SUGCT: variants seen among roughly 807,000 people sequenced by gnomAD.
SUGCT encodes the protein succinyl-CoA:glutarate-CoA transferase.
In SUGCT, 41 loss-of-function variants were observed where a neutral mutation model predicts 55.0. The ratio of observed to expected loss-of-function variants is 0.74; its 90% CI spans 0.58 to 0.97. SUGCT has a LOEUF of 0.97. Among genes scored for constraint, SUGCT ranks in the 50% least tolerant of loss-of-function variants. The pLI is 0.00. For synonymous variants in SUGCT, 187 were observed against 200.4 expected (o/e 0.93, Z 0.56); for missense variants, 568 against 547.8 (o/e 1.04, Z -0.37).
At chr7:40,142,518 A>G (rs1249579940) in intron 1 of SUGCT, among the ~76,000 whole-genome samples, 1 of 152,216 alleles carries the variant, frequency 6.6e-6, no homozygotes, top group African/African-American at 2.4e-5. Flanking sequence ...CAACCCATGG[A>G]TGCATGGTGT....
intron 12 of SUGCT, among the ~76,000 whole-genome samples, chr7:40,663,595 G>A (rs1416777310): frequency 6.6e-6 from 1 of 151,640 alleles, no homozygotes; most frequent in Non-Finnish European, 1.5e-5. Context: ...GTGGTCTCTT[G>A]TATGTTCCTA....
chr7:40,641,200 C>T (rs1319641066), intron 12 of SUGCT, among the ~76,000 whole-genome samples: 1 of 152,084 alleles, frequency 6.6e-6, no homozygotes, highest in Non-Finnish European at 1.5e-5. Context: ...AATAATAAAA[C>T]CAAAGGATAA....
At chr7:40,392,487 AGG>A (rs1289001029) in intron 9 of SUGCT, among the ~76,000 whole-genome samples, 1 of 151,970 alleles carries the variant, frequency 6.6e-6, no homozygotes, top group Non-Finnish European at 1.5e-5. Context: ...TTCCAGGTAG[AGG>A]GTTCGGAAAG....
chr7:40,153,970 C>G (rs1258827921), intron 1 of SUGCT: 1 of 311,838 alleles, frequency 3.2e-6, no homozygotes, highest in African/African-American at 2.2e-5. Context: ...ACAGGCCAAG[C>G]TGTACGATGT....
At chr7:40,160,552 A>T (rs572296629) in intron 1 of SUGCT, among the ~76,000 whole-genome samples, 1 of 152,268 alleles carries the variant, frequency 6.6e-6, no homozygotes, top group South Asian at 2.1e-4. Flanking sequence ...TAAAACATGA[A>T]ATCTTAAAAC....
chr7:40,825,376 C>G (rs1365704810), intron 13 of SUGCT, among the ~76,000 whole-genome samples: 2 of 152,060 alleles, frequency 1.3e-5, no homozygotes, highest in Non-Finnish European at 2.9e-5. Context: ...TGTTGGAACA[C>G]TAGCTGCCTT....
chr7:40,540,320 A>G (rs1394542994), intron 12 of SUGCT, among the ~76,000 whole-genome samples: 1 of 152,258 alleles, frequency 6.6e-6, no homozygotes, highest in Non-Finnish European at 1.5e-5. Context: ...CTGTAAGGTA[A>G]GGACCATTGT....
At chr7:40,554,906 C>T (rs2151647931) in intron 12 of SUGCT, among the ~76,000 whole-genome samples, 1 of 152,260 alleles carries the variant, frequency 6.6e-6, no homozygotes, top group African/African-American at 2.4e-5. Flanking sequence ...ATGCCTGTCC[C>T]CATCATCATA....
chr7:40,324,252 A>ATATATATATATATAT (rs1554311560), intron 9 of SUGCT, among the ~76,000 whole-genome samples: 14 of 117,616 alleles, frequency 1.2e-4, no homozygotes, highest in African/African-American at 4.6e-4. Flanking sequence ...TAAATAAATA[A>ATATATATATATATAT]ATATATATAT....
At chr7:40,803,056 A>G (rs1357116734) in intron 13 of SUGCT, among the ~76,000 whole-genome samples, 1 of 152,226 alleles carries the variant, frequency 6.6e-6, no homozygotes, top group African/African-American at 2.4e-5. Flanking sequence ...CTGTTTACCT[A>G]TTACAAGTAG....
chr7:40,314,559 CTTTTT>C (rs1292941632), intron 8 of SUGCT, among the ~76,000 whole-genome samples: 6 of 108,732 alleles, frequency 5.5e-5, no homozygotes, highest in Non-Finnish European at 9.0e-5. Flanking sequence ...TCCCTTGTGT[CTTTTT>C]TTTTTTTTTT....
At chr7:41,016,066 T>A in the SUGCT span, among the ~76,000 whole-genome samples, 1 of 152,180 alleles carries the variant, frequency 6.6e-6, no homozygotes, top group Non-Finnish European at 1.5e-5. Context: ...TATCTTTTCA[T>A]AGGACAAAAT....
chr7:40,472,855 C>T (rs139326731), intron 11 of SUGCT, among the ~76,000 whole-genome samples: 64 of 152,150 alleles, frequency 4.2e-4, no homozygotes, highest in African/African-American at 1.3e-3. Context: ...TTTCACTTTG[C>T]GTGAATATCA....
At chr7:40,761,716 A>G (rs1343314918) in intron 13 of SUGCT, among the ~76,000 whole-genome samples, 2 of 152,172 alleles carry the variant, frequency 1.3e-5, no homozygotes. Context: ...TGGAAAAGTG[A>G]TTTTTGGGTC....
At chr7:40,721,296 A>G (rs1786323125) in intron 12 of SUGCT, among the ~76,000 whole-genome samples, 1 of 152,204 alleles carries the variant, frequency 6.6e-6, no homozygotes, top group Non-Finnish European at 1.5e-5. Context: ...GCCATTTTAT[A>G]CTATGCCTCA....
chr7:40,295,127 T>G (rs568979737), intron 8 of SUGCT, among the ~76,000 whole-genome samples: 61 of 152,346 alleles, frequency 4.0e-4, no homozygotes, highest in Non-Finnish European at 7.9e-4. Context: ...ATAGTACTTT[T>G]TCACATCTTT....
chr7:40,747,118 C>A (rs751446583), intron 12 of SUGCT, among the ~76,000 whole-genome samples: 3 of 152,194 alleles, frequency 2.0e-5, no homozygotes, highest in Non-Finnish European at 2.9e-5. Flanking sequence ...AATTCTAACA[C>A]TGGCGAGAAT....
intron 13 of SUGCT, among the ~76,000 whole-genome samples, chr7:40,785,025 G>A (rs138741394): frequency 2.2e-3 from 329 of 152,236 alleles, no homozygotes; most frequent in Non-Finnish European, 3.3e-3. Context: ...AGTTTTACCT[G>A]GTCAAAACTG....
At chr7:41,016,386 T>C in the SUGCT span, among the ~76,000 whole-genome samples, 4 of 152,170 alleles carry the variant, frequency 2.6e-5, no homozygotes, top group African/African-American at 4.8e-5. Context: ...GCCCATAAGA[T>C]AGCACATTAC....
Sources: allele counts gnomAD v4.1 joint callset (sites outside exome capture counted in the v4.1 genomes callset), GRCh38; gene constraint gnomAD v4.1.1; transcripts MANE v1.5; gene names NCBI Gene and HGNC (gene_info 2026-07-23, HGNC 2026-07-21).